Variants in LPP observed in about 807,000 individuals in gnomAD.
The protein encoded by LPP is LIM domain containing preferred translocation partner in lipoma.
A neutral mutation model predicts 60.4 loss-of-function variants in LPP; 38 were observed. The ratio of observed to expected loss-of-function variants is 0.63; its 90% CI spans 0.49 to 0.83. The LOEUF (loss-of-function observed/expected upper bound fraction) is 0.83. LPP is among the 40% of genes least tolerant of loss of function. LPP has a pLI of 0.00. For missense variants in LPP, 902 were observed against 783.6 expected, an observed-to-expected ratio of 1.15 and a Z score of -1.80; for synonymous variants, 328 against 290.8, an observed-to-expected ratio of 1.13 and a Z score of -1.30.
chr3:188,635,122 T>G (rs1406393298), intron 7 of LPP, among the ~76,000 whole-genome samples: 3 of 152,190 alleles, frequency 2.0e-5, no homozygotes, highest in Admixed American at 2.0e-4. Flanking sequence ...ATGGGCTCCA[T>G]GTTTAAATTA....
intron 4 of LPP, among the ~76,000 whole-genome samples, chr3:188,438,439 A>T (rs1026327375): frequency 2.0e-5 from 3 of 151,210 alleles, no homozygotes; most frequent in African/African-American, 7.3e-5. Context: ...AGGTAGTGCT[A>T]TTATTAATAT....
At chr3:188,534,919 T>C (rs1464770306) in intron 6 of LPP, among the ~76,000 whole-genome samples, 1 of 152,124 alleles carries the variant, frequency 6.6e-6, no homozygotes, top group African/African-American at 2.4e-5. Flanking sequence ...TATGGAAAAA[T>C]TACCAGTAAA....
At chr3:188,480,059 GC>G (rs1349518411) in intron 4 of LPP, among the ~76,000 whole-genome samples, 44 of 152,284 alleles carry the variant, frequency 2.9e-4, no homozygotes, top group African/African-American at 9.4e-4. Context: ...GTGGGGAATA[GC>G]TCAGCTGGTC....
intron 6 of LPP, among the ~76,000 whole-genome samples, chr3:188,603,793 T>C (rs1353264761): frequency 6.6e-6 from 1 of 152,130 alleles, no homozygotes; most frequent in African/African-American, 2.4e-5. Flanking sequence ...GAAATGGAAA[T>C]ATTCATCATC....
intron 8 of LPP, among the ~76,000 whole-genome samples, chr3:188,737,970 T>G (rs1723099675): frequency 6.6e-6 from 1 of 152,236 alleles, no homozygotes; most frequent in Admixed American, 6.5e-5. Flanking sequence ...ATATGCTTTC[T>G]GCATTCCAGA....
Position 188,888,556 on chromosome 3 carries a change from A to T in LPP, c.*14077A>T. The T allele has an allele frequency of 4.4e-6, 1 of 227,030 alleles. No individual in the cohort carries two copies. Among genetic ancestry groups the T allele is most frequent in the Non-Finnish European group, 8.8e-6 (1 of 113,828 alleles). The allele number at this position is 227,030 out of a possible 1,614,324, so 14.1% of individuals were successfully genotyped here. A position where few individuals can be genotyped will look rare whatever the true frequency, so the allele number is the denominator to read the frequency against. On this transcript the variant is annotated 3_prime_UTR_variant, in exon 12 of 12. Coordinates refer to ENST00000617246, the MANE Select transcript of LPP (RefSeq NM_001375462.1). Reference sequence around the variant, plus strand: ...TCTTCTGTTCAGCATACACATCAGCAAAGTGAGAAGATGAGCACTAAATAT... The same window carrying T: ...TCTTCTGTTCAGCATACACATCAGCTAAGTGAGAAGATGAGCACTAAATAT...
chr3:188,788,995 A>G (rs946626754), intron 9 of LPP, among the ~76,000 whole-genome samples: 3 of 151,694 alleles, frequency 2.0e-5, no homozygotes, highest in African/African-American at 7.3e-5. Context: ...TGCTGACTCC[A>G]TCCCTGTAGA....
chr3:188,243,678 A>G (rs1159260573), intron 2 of LPP, among the ~76,000 whole-genome samples: 1 of 152,086 alleles, frequency 6.6e-6, no homozygotes, highest in Non-Finnish European at 1.5e-5. Flanking sequence ...CCACACTGGC[A>G]GCACTGAGCA....
At chr3:188,653,312 T>C (rs894306011) in intron 7 of LPP, among the ~76,000 whole-genome samples, 5 of 152,248 alleles carry the variant, frequency 3.3e-5, no homozygotes, top group African/African-American at 1.2e-4. Context: ...GTTAAGTTTC[T>C]GGCTGTGTAA....
rs141247402 is a variant in LPP, at chr3:188,645,101, G to T, written c.1113+35257G>T. Among the ~76,000 whole-genome samples the T allele has an allele frequency of 5.9e-5, 9 of 152,316 alleles. No homozygotes were observed. The East Asian group carries it at 1.5e-3, about 26-fold the overall frequency. ...GCTTCTGGAAAATAGTATGTACTCA[G>T]TTACTGGTTATTTTTATTATCGTTG... On this transcript the variant is annotated intron_variant, in intron 7 of 11. Transcript: ENST00000617246.
At chr3:188,508,575 T>C (rs1225261433) in intron 5 of LPP, among the ~76,000 whole-genome samples, 2 of 152,194 alleles carry the variant, frequency 1.3e-5, no homozygotes, top group Non-Finnish European at 2.9e-5. Context: ...CAACTTATAG[T>C]TGATTTATGA....
intron 7 of LPP, among the ~76,000 whole-genome samples, chr3:188,699,062 C>T (rs1863856662): frequency 6.6e-6 from 1 of 152,162 alleles, no homozygotes; most frequent in African/African-American, 2.4e-5. Context: ...TAACTGACAT[C>T]TATTTGATAT....
chr3:188,545,959 A>T (rs371507093), intron 6 of LPP, among the ~76,000 whole-genome samples: 1 of 152,140 alleles, frequency 6.6e-6, no homozygotes. Context: ...ACAGCCTGCC[A>T]TTATATTGTA....
chr3:188,205,878 C>T (rs114159215), intron 1 of LPP, among the ~76,000 whole-genome samples: 1,863 of 152,254 alleles, frequency 0.012, 26 homozygotes, highest in African/African-American at 0.043. Context: ...GGAAGGGGAC[C>T]GCTAGAGCCA....
rs970422903 is a variant in LPP at position 188,210,636 on chromosome 3, T to C, written c.-189-14769T>C. 4.6e-5 allele frequency among the ~76,000 whole-genome samples: 7 copies of C among 152,308 alleles called. No individual in the cohort carries two copies. In the East Asian group the frequency reaches 1.4e-3, roughly 29 times the overall value. ...TCTCTCTCTATGTGGATGTGGAAAC[T>C]GATCTCCAAATGTTTGCAAGATGGA... On this transcript the variant is annotated intron_variant, in intron 1 of 11. Transcript: ENST00000617246.
chr3:188,235,903 C>T (rs1721729183), intron 2 of LPP, among the ~76,000 whole-genome samples: 1 of 152,022 alleles, frequency 6.6e-6, no homozygotes, highest in Non-Finnish European at 1.5e-5. Context: ...AATCTTTCTT[C>T]TCCTCTAGAT....
At chr3:188,367,961 C>A (rs1771710751) in intron 3 of LPP, among the ~76,000 whole-genome samples, 1 of 152,176 alleles carries the variant, frequency 6.6e-6, no homozygotes. Context: ...CATCTGTCAT[C>A]TTATAATAAT....
At chr3:188,802,126 A>T (rs538134061) in intron 9 of LPP, among the ~76,000 whole-genome samples, 25 of 152,220 alleles carry the variant, frequency 1.6e-4, no homozygotes, top group Non-Finnish European at 3.5e-4. Flanking sequence ...TCTCTCTGAA[A>T]TATAACAAAG....
chr3:188,259,048 AT>A (rs1732662536), intron 2 of LPP, among the ~76,000 whole-genome samples: 1 of 152,086 alleles, frequency 6.6e-6, no homozygotes, highest in South Asian at 2.1e-4. Context: ...CCCTCACCAG[AT>A]TTTCAACACA....
Sources: gnomAD v4.1 joint callset for allele counts (sites outside exome capture counted in the v4.1 genomes callset) on GRCh38, gnomAD v4.1.1 for gene constraint, MANE v1.5 for transcripts, NCBI Gene and HGNC (gene_info 2026-07-23, HGNC 2026-07-21) for gene names.